The following CARD8 variants were observed in gnomAD, a reference collection of about 807,000 sequenced individuals.
CARD8 encodes caspase recruitment domain family member 8.
In CARD8, 38 loss-of-function variants were observed where a neutral mutation model predicts 53.2. That is an observed-to-expected ratio of 0.71 (90% CI 0.55 to 0.94). CARD8 has a LOEUF of 0.94. Among genes scored for constraint, CARD8 ranks in the 40% least tolerant of loss-of-function variants. The pLI is 0.00. For synonymous variants in CARD8, 245 were observed against 244.9 expected, an observed-to-expected ratio of 1.00 and a Z score of 0.00; for missense variants, 561 against 655.5, an observed-to-expected ratio of 0.86 and a Z score of 1.57.
chr19:48,216,442 A>T (rs2145487569), intron 12 of CARD8, among the ~76,000 whole-genome samples: 1 of 152,266 alleles, frequency 6.6e-6, no homozygotes, highest in East Asian at 1.9e-4. Flanking sequence ...GACTGGAGGG[A>T]GGAGGCGGGG....
At chr19:48,246,979 A>C (rs1447431216) in intron 3 of CARD8, among the ~76,000 whole-genome samples, 2 of 152,178 alleles carry the variant, frequency 1.3e-5, no homozygotes, top group Non-Finnish European at 2.9e-5. Flanking sequence ...AAATATACTT[A>C]CCTATGTATG....
intron 4 of CARD8, among the ~76,000 whole-genome samples, chr19:48,240,526 T>C (rs2044790719): frequency 1.3e-5 from 2 of 151,968 alleles, no homozygotes; most frequent in South Asian, 4.2e-4. Flanking sequence ...CCCAGCACTT[T>C]GGGAGGCCGA....
intron 12 of CARD8, among the ~76,000 whole-genome samples, chr19:48,218,088 C>A (rs2039698461): frequency 6.6e-6 from 1 of 152,150 alleles, no homozygotes; most frequent in African/African-American, 2.4e-5. Context: ...GAGCATTTCA[C>A]TTCCTAGAGA....
chr19:48,248,667 A>G (rs1242292416), intron 3 of CARD8, among the ~76,000 whole-genome samples: 2 of 152,220 alleles, frequency 1.3e-5, no homozygotes, highest in African/African-American at 4.8e-5. Context: ...CGCTTTGGAG[A>G]ATAAACTGGC....
At chr19:48,251,380 C>G (rs1403126944) in intron 1 of CARD8, among the ~76,000 whole-genome samples, 1 of 152,194 alleles carries the variant, frequency 6.6e-6, no homozygotes, top group Non-Finnish European at 1.5e-5. Context: ...GTGAACGTCT[C>G]TGGTTATGAT....
At position 48,230,964 on chromosome 19, in the gene CARD8, T is replaced by C. The variant is rs1568795939; in HGVS notation, c.585A>G (p.Thr195=). ...PTAGWYLWSA[T]GLGFLVRDEV... is the part of the protein sequence containing the mutation. ...CATCCCTTACCAGGAAGCCGAGGCCTGTGGCTGACCACAGATACCAGCCAG... is the reference window on the plus strand; with the variant it reads ...CATCCCTTACCAGGAAGCCGAGGCCCGTGGCTGACCACAGATACCAGCCAG... Residue 195 remains threonine (T), a synonymous_variant, in exon 9 of 14, where the codon ACA becomes ACG. Transcript: ENST00000651546. 1 of 1,614,148 alleles carries C rather than the reference T, an allele frequency of 6.2e-7. No individual in the cohort carries two copies.
chr19:48,232,468 C>A lies in CARD8; in HGVS notation c.376G>T (p.Glu126Ter), dbSNP rs562171151. 1 of 1,535,978 alleles carries A rather than the reference C, an allele frequency of 6.5e-7. No individual in the cohort carries two copies. Among genetic ancestry groups the A allele is most frequent in the East Asian group, 2.4e-5 (1 of 40,918 alleles). ...PSVSEEQESS[E>*]GQDSGDICSE... ...AGCCCATTACCTGAATCTTGTCCCT[C>A]TGAAGATTCCTGCTCTTCTGATACA... The change falls in exon 7 of 14, where the codon GAG becomes TAG. Residue 126 changes from glutamate (E) to a stop codon, truncating the protein, a stop_gained. Coordinates refer to ENST00000651546, the MANE Select transcript of CARD8 (RefSeq NM_001184900.3). LOFTEE classifies it high-confidence loss of function.
chr19:48,234,277 T>C (rs1311332388), intron 6 of CARD8, 126 bp downstream of exon 6: 23 of 930,344 alleles, frequency 2.5e-5, no homozygotes, highest in Non-Finnish European at 3.5e-5. Context: ...ATTGCTAGTA[T>C]TGCATAAGCT....
chr19:48,218,639 G>A (rs935429719), intron 12 of CARD8, among the ~76,000 whole-genome samples: 10 of 151,960 alleles, frequency 6.6e-5, no homozygotes, highest in Admixed American at 5.2e-4. Context: ...CAGGCATGAG[G>A]CACCGTATCT....
intron 4 of CARD8, among the ~76,000 whole-genome samples, chr19:48,240,544 G>A (rs1343009001): frequency 1.3e-5 from 2 of 152,096 alleles, no homozygotes; most frequent in Admixed American, 1.3e-4. Context: ...CGAGGTGGGT[G>A]GATCACCTGA....
intron 10 of CARD8, among the ~76,000 whole-genome samples, chr19:48,228,920 C>T (rs1453043931): frequency 6.6e-6 from 1 of 152,166 alleles, no homozygotes; most frequent in Non-Finnish European, 1.5e-5. Context: ...GGGTGCATCA[C>T]TTTAGGTCAG....
At chr19:48,254,255 T>TAAGTAATC (rs2047302742) in intron 1 of CARD8, among the ~76,000 whole-genome samples, 1 of 152,142 alleles carries the variant, frequency 6.6e-6, no homozygotes, top group South Asian at 2.1e-4. Flanking sequence ...ATAAACTAAC[T>TAAGTAATC]AAGTAATCAA....
downstream of CARD8, among the ~76,000 whole-genome samples, chr19:48,205,539 T>C (rs1235097340): frequency 6.6e-6 from 1 of 152,148 alleles, no homozygotes; most frequent in Admixed American, 6.5e-5. Context: ...CCATATACAA[T>C]TGTTAAACAG....
At chr19:48,248,269 C>G (rs1374481516) in intron 3 of CARD8, among the ~76,000 whole-genome samples, 1 of 152,132 alleles carries the variant, frequency 6.6e-6, no homozygotes, top group African/African-American at 2.4e-5. Context: ...TAGCCCCAGC[C>G]ACCCGGAGGC....
chr19:48,253,002 A>G (rs1442091829), intron 1 of CARD8, among the ~76,000 whole-genome samples: 1 of 152,194 alleles, frequency 6.6e-6, no homozygotes, highest in Non-Finnish European at 1.5e-5. Flanking sequence ...TTCATTCCAC[A>G]AATACATTTT....
At chr19:48,222,968 C>A (rs1600236786) in intron 10 of CARD8, among the ~76,000 whole-genome samples, 1 of 152,152 alleles carries the variant, frequency 6.6e-6, no homozygotes, top group Admixed American at 6.5e-5. Context: ...GTGAGTGTGT[C>A]AACTATGAAA....
chr19:48,227,373 G>A (rs933034665), intron 10 of CARD8, among the ~76,000 whole-genome samples: 1 of 152,042 alleles, frequency 6.6e-6, no homozygotes, highest in Non-Finnish European at 1.5e-5. Context: ...ATTCAGTTAC[G>A]AGACGAAGAA....
rs2123728079 is a variant in CARD8, at chr19:48,210,484, AAGT to A, written c.*1223_*1225del. The A allele has an allele frequency of 6.6e-6, 1 of 152,284 alleles. No individual in the cohort carries two copies. Among genetic ancestry groups the A allele is most frequent in the South Asian group, 2.1e-4 (1 of 4,826 alleles). 9.4% of individuals were successfully genotyped at this position (152,284 alleles called of 1,614,324 possible). ...TTTTTTAAATCTTCTGAGTGATTAA[AAGT>A]AGAAAATATATAATAATTTATTGAT... On this transcript the variant is annotated 3_prime_UTR_variant, in exon 14 of 14. Coordinates refer to ENST00000651546, the MANE Select transcript of CARD8 (RefSeq NM_001184900.3).
intron 11 of CARD8, among the ~76,000 whole-genome samples, chr19:48,221,012 GAA>G (rs766356575): frequency 1.2e-4 from 16 of 128,672 alleles, no homozygotes; most frequent in African/African-American, 4.6e-4. Flanking sequence ...GAAAGAAAAA[GAA>G]AGAAAGAAAG....
Sources: allele counts gnomAD v4.1 joint callset (sites outside exome capture counted in the v4.1 genomes callset), GRCh38; gene constraint gnomAD v4.1.1; transcripts MANE v1.5; gene names NCBI Gene and HGNC (gene_info 2026-07-23, HGNC 2026-07-21).